The following COL4A1 variants were observed in gnomAD, a reference collection of about 807,000 sequenced individuals.
COL4A1 encodes the protein collagen type IV alpha 1 chain.
A neutral mutation model predicts 216.6 loss-of-function variants in COL4A1; 40 were observed. The observed-to-expected ratio is 0.18, with a 90% CI of 0.14 to 0.24. The LOEUF (loss-of-function observed/expected upper bound fraction) is 0.24. Among genes scored for constraint, COL4A1 ranks in the 10% least tolerant of loss-of-function variants. The pLI is 1.00. For missense variants in COL4A1, 1,628 were observed against 2,196.8 expected (o/e 0.74, Z 5.18); for synonymous variants, 839 against 810.7 (o/e 1.03, Z -0.59).
intron 2 of COL4A1, among the ~76,000 whole-genome samples, chr13:110,236,986 C>T (rs575109292): frequency 2.4e-4 from 36 of 152,240 alleles, no homozygotes; most frequent in African/African-American, 8.2e-4. Context: ...AGTTGTTGAA[C>T]CGGGCTGGAG....
At position 110,207,459 on chromosome 13, in the gene COL4A1, C is replaced by T; in HGVS notation, c.724G>A (p.Val242Ile). The stretch of plus-strand genomic sequence containing the variant: ...TCTTGAACTTGAGCTTGTCCTGGTA[C>T]TCCTGGAGGCCCACTGACCCCTTGG... ...GDQGVSGPPG[V>I]PGQAQVQEKG... Residue 242 changes from valine to isoleucine, a missense_variant, in exon 13 of 52, where the codon GTA (valine) becomes ATA (isoleucine). This residue lies in a region of COL4A1 where 23 missense variants were observed against 66.0 expected (regional missense o/e 0.35). Coordinates refer to ENST00000375820, the MANE Select transcript of COL4A1 (RefSeq NM_001845.6). This position sits in a 1 kb window ranked among gnomAD's most constrained non-coding sequence, Gnocchi z 4.4. 1 of 1,614,058 alleles carries T rather than the reference C, an allele frequency of 6.2e-7. No homozygotes were observed. The highest frequency in any genetic ancestry group is 1.1e-5 in the South Asian group (1 of 91,072).
At chr13:110,210,732 G>A (rs1261856243) in intron 8 of COL4A1, among the ~76,000 whole-genome samples, 1 of 152,192 alleles carries the variant, frequency 6.6e-6, no homozygotes, top group African/African-American at 2.4e-5. Flanking sequence ...TAAATCAGTA[G>A]ACTCTGAATA....
chr13:110,205,320 A>C, intron 17 of COL4A1, 33 bp downstream of exon 17: 1 of 1,613,182 alleles, frequency 6.2e-7, no homozygotes. Context: ...TTGGAAAGTG[A>C]AGATAAAGGC....
intron 41 of COL4A1, among the ~76,000 whole-genome samples, chr13:110,172,153 C>G (rs1263858088): frequency 6.6e-6 from 1 of 152,206 alleles, no homozygotes; most frequent in Non-Finnish European, 1.5e-5. Context: ...TGTGTGAGCT[C>G]CTGGCTGCGG....
Position 110,212,559 on chromosome 13 carries a change from G to C in COL4A1, c.324+15C>G. 1 of 1,614,152 alleles carries C rather than the reference G, an allele frequency of 6.2e-7. No homozygotes were observed. The highest frequency in any genetic ancestry group is 8.5e-7 in the Non-Finnish European group (1 of 1,180,024). On this transcript the variant is annotated intron_variant, in intron 5 of 51. Coordinates refer to ENST00000375820, the MANE Select transcript of COL4A1 (RefSeq NM_001845.6). ...ATATTTCATAAAAGAAGTAGAGCAC[G>C]TTTTCTATACATACGGGAAGTCCTG...
At chr13:110,212,014 T>C in intron 6 of COL4A1, 92 bp from the exon 7 acceptor site, 1 of 1,284,350 alleles carries the variant, frequency 7.8e-7, no homozygotes, top group Non-Finnish European at 1.1e-6. Context: ...CTACCCTTCA[T>C]TTGTTGGTTA....
intron 4 of COL4A1, 66 bp downstream of exon 4, chr13:110,213,716 C>G: frequency 6.6e-7 from 1 of 1,522,614 alleles, no homozygotes; most frequent in South Asian, 1.1e-5. Flanking sequence ...GGAAAAGGTG[C>G]CCGGCTCTGG....
chr13:110,260,388 G>A (rs575956576), intron 1 of COL4A1, among the ~76,000 whole-genome samples: 222 of 152,296 alleles, frequency 1.5e-3, no homozygotes, highest in Non-Finnish European at 2.5e-3. Context: ...AGCACGTGGG[G>A]ATTATTACAA....
chr13:110,197,056 T>C (rs1342642888), intron 21 of COL4A1, among the ~76,000 whole-genome samples: 5 of 152,146 alleles, frequency 3.3e-5, no homozygotes, highest in Non-Finnish European at 7.4e-5. Flanking sequence ...GAGTGTAAAG[T>C]TCATATTTTT....
Position 110,213,857 on chromosome 13 carries a change from G to T in COL4A1, c.235-31C>A, listed in dbSNP as rs41275102. The T allele has an allele frequency of 2.2e-3, 3,481 of 1,613,792 alleles. 5 individuals carry two copies. Among genetic ancestry groups the T allele is most frequent in the Admixed American group, 2.9e-3 (172 of 60,016 alleles). ...ACAGAATAGAAATGCCATTGTCATT[G>T]ATCACCGCTATCTCAAGAATGCGGG... On this transcript the variant is annotated intron_variant, in intron 3 of 51. Transcript: ENST00000375820.
rs972881354 is a variant in COL4A1 at position 110,307,069 on chromosome 13, C to A, written c.-42G>T. 1.4e-6 allele frequency: 2 copies of A among 1,394,264 alleles called. No homozygotes were observed. Among genetic ancestry groups the A allele is most frequent in the South Asian group, 1.5e-5 (1 of 67,072 alleles). 86.4% of individuals were successfully genotyped at this position (1,394,264 alleles called of 1,614,324 possible). A position where few individuals can be genotyped will look rare whatever the true frequency, so the allele number is the denominator to read the frequency against. On this transcript the variant is annotated 5_prime_UTR_variant, in exon 1 of 52. Transcript: ENST00000375820. The surrounding 1 kb of genome is among the most constrained non-coding windows in gnomAD (Gnocchi z 5.0). ...CGGCGAGGGACGGCTGCCCGGCGTGCGGGGGCCGCGGCGGACAGCTAGCTC... is the reference window on the plus strand; with the variant it reads ...CGGCGAGGGACGGCTGCCCGGCGTGAGGGGGCCGCGGCGGACAGCTAGCTC...
At chr13:110,192,788 A>G in intron 23 of COL4A1, 42 bp downstream of exon 23, 1 of 1,576,824 alleles carries the variant, frequency 6.3e-7, no homozygotes, top group Non-Finnish European at 8.7e-7. Context: ...CCAACACACC[A>G]AAGCAAACTC....
At chr13:110,176,348 G>T in intron 36 of COL4A1, 76 bp downstream of exon 36, 3 of 975,642 alleles carry the variant, frequency 3.1e-6, no homozygotes, top group Non-Finnish European at 1.7e-6. Flanking sequence ...AGCTGAAGAG[G>T]ATCTCATTCT....
Position 110,169,612 on chromosome 13 carries a change from ACAAAT to A in COL4A1, c.3876+12_3876+16del, listed in dbSNP as rs763911036. 2 of 1,613,718 alleles carry A rather than the reference ACAAAT, an allele frequency of 1.2e-6. No homozygotes were observed. Among genetic ancestry groups the A allele is most frequent in the African/African-American group, 2.7e-5 (2 of 74,872 alleles). On this transcript the variant is annotated intron_variant, in intron 43 of 51. Transcript: ENST00000375820. ...AAGACTCCTTTAAAAATAAAAATCT[ACAAAT>A]CAATAACTCACAGGCATGCCCTGGA...
intron 2 of COL4A1, among the ~76,000 whole-genome samples, chr13:110,234,451 A>C (rs1881209506): frequency 6.6e-6 from 1 of 152,086 alleles, no homozygotes; most frequent in African/African-American, 2.4e-5. Flanking sequence ...GTGGGGGGGT[A>C]CACGCCTATA....
At chr13:110,245,907 C>T (rs908619693) in intron 1 of COL4A1, among the ~76,000 whole-genome samples, 1 of 152,160 alleles carries the variant, frequency 6.6e-6, no homozygotes, top group Non-Finnish European at 1.5e-5. Context: ...GACTGACCCC[C>T]GACCCCGGCC....
chr13:110,169,853 C>A (rs1474480399), intron 42 of COL4A1, 91 bp from the exon 43 acceptor site: 1 of 1,498,562 alleles, frequency 6.7e-7, no homozygotes, highest in East Asian at 2.7e-5. Flanking sequence ...ACCCACGGCC[C>A]CTCACTGATA....
rs115617261 is a variant in COL4A1 at position 110,289,773 on chromosome 13, G to A, written c.84+17171C>T. ...TCCTGATGCATGGAAAACTCAAGAAGAAATGGAACATGAGATGCTCCGGAT... is the reference window on the plus strand; with the variant it reads ...TCCTGATGCATGGAAAACTCAAGAAAAAATGGAACATGAGATGCTCCGGAT... On this transcript the variant is annotated intron_variant, in intron 1 of 51. Transcript: ENST00000375820. 2.0e-3 allele frequency among the ~76,000 whole-genome samples: 307 copies of A among 152,290 alleles called. 1 individual carries two copies. Among genetic ancestry groups the A allele is most frequent in the African/African-American group, 7.0e-3 (291 of 41,564 alleles).
chr13:110,213,703 G>C (rs747743330), intron 4 of COL4A1, 79 bp downstream of exon 4: 36 of 1,415,570 alleles, frequency 2.5e-5, no homozygotes, highest in Admixed American at 1.2e-4. Flanking sequence ...AAGGAGAAAG[G>C]AGGGAAAAGG....
Sources: allele counts gnomAD v4.1 joint callset (sites outside exome capture counted in the v4.1 genomes callset), GRCh38; gene constraint gnomAD v4.1.1; regional missense constraint gnomAD v4.1.1; non-coding constraint Gnocchi (gnomAD v3.1); transcripts MANE v1.5; gene names NCBI Gene and HGNC (gene_info 2026-07-23, HGNC 2026-07-21).